Variants in ENOX1 observed in about 807,000 individuals in gnomAD.
ENOX1 encodes the protein ecto-NOX disulfide-thiol exchanger 1, also known as candidate growth-related and time keeping constitutive hydroquinone (NADH) oxidase.
In ENOX1, 42 loss-of-function variants were observed where a neutral mutation model predicts 82.5. The observed-to-expected ratio is 0.51, with a 90% CI of 0.40 to 0.66. ENOX1 has a LOEUF of 0.66. Ranked by LOEUF, ENOX1 falls within the 30% of genes least tolerant of loss-of-function variation. The probability of loss-of-function intolerance (pLI) is 0.00; values close to 1 mark genes in which losing one functional copy is unlikely to be tolerated. For missense variants in ENOX1, 608 were observed against 811.6 expected (o/e 0.75, Z 3.05); for synonymous variants, 271 against 282.2 (o/e 0.96, Z 0.40).
chr13:43,450,305 G>T (rs1044509140), intron 3 of ENOX1, among the ~76,000 whole-genome samples: 10 of 152,212 alleles, frequency 6.6e-5, no homozygotes. Flanking sequence ...GGGGGCAGCA[G>T]ATGGCAGGAA....
chr13:43,533,022 C>T (rs942730949), intron 2 of ENOX1, among the ~76,000 whole-genome samples: 4 of 152,064 alleles, frequency 2.6e-5, no homozygotes, highest in South Asian at 4.1e-4. Context: ...AAGTCTGAGA[C>T]GTGCAGTTTA....
At chr13:43,758,808 C>T (rs1323436451) in intron 1 of ENOX1, among the ~76,000 whole-genome samples, 2 of 152,154 alleles carry the variant, frequency 1.3e-5, no homozygotes, top group African/African-American at 2.4e-5. Flanking sequence ...ATGATGTTTA[C>T]AGTATTCTTA....
At chr13:43,370,368 AG>A (rs1417699261) in intron 5 of ENOX1, among the ~76,000 whole-genome samples, 1 of 151,998 alleles carries the variant, frequency 6.6e-6, no homozygotes, top group African/African-American at 2.4e-5. Context: ...CTCCATCTCA[AG>A]AAAAAAAAAA....
At chr13:43,343,881 T>A (rs564384598) in intron 9 of ENOX1, among the ~76,000 whole-genome samples, 7 of 152,234 alleles carry the variant, frequency 4.6e-5, no homozygotes, top group Admixed American at 3.9e-4. Context: ...CGCCCTTTTT[T>A]TGAATAGAGC....
chr13:43,711,618 T>A (rs1461063272), intron 1 of ENOX1, among the ~76,000 whole-genome samples: 1 of 152,036 alleles, frequency 6.6e-6, no homozygotes, highest in Non-Finnish European at 1.5e-5. Flanking sequence ...CCATTCTAAC[T>A]GGTGTGAGAT....
intron 1 of ENOX1, among the ~76,000 whole-genome samples, chr13:43,668,909 C>A (rs2085119719): frequency 6.6e-6 from 1 of 152,056 alleles, no homozygotes; most frequent in South Asian, 2.1e-4. Flanking sequence ...TACCTTATTT[C>A]AAAAAAATAT....
At chr13:43,435,383 C>G (rs2055957717) in intron 3 of ENOX1, among the ~76,000 whole-genome samples, 1 of 152,152 alleles carries the variant, frequency 6.6e-6, no homozygotes, top group Admixed American at 6.5e-5. Flanking sequence ...TCCATTCCAA[C>G]TGACAATGCC....
At chr13:43,743,348 G>C (rs1350086614) in intron 1 of ENOX1, among the ~76,000 whole-genome samples, 2 of 152,154 alleles carry the variant, frequency 1.3e-5, no homozygotes, top group Non-Finnish European at 2.9e-5. Context: ...TTACAGGATA[G>C]ATAGAAATTC....
chr13:43,247,972 G>A (rs1430270346), intron 14 of ENOX1, among the ~76,000 whole-genome samples: 61 of 132,506 alleles, frequency 4.6e-4, no homozygotes, highest in African/African-American at 1.5e-3. Flanking sequence ...TGCAAGCTCC[G>A]CCTCCCGGGT....
At chr13:43,529,731 C>T (rs2153687329) in intron 2 of ENOX1, among the ~76,000 whole-genome samples, 1 of 152,118 alleles carries the variant, frequency 6.6e-6, no homozygotes, top group East Asian at 1.9e-4. Context: ...AGAACACATC[C>T]CCTTGGTTAA....
intron 2 of ENOX1, among the ~76,000 whole-genome samples, chr13:43,490,471 G>A (rs1011004027): frequency 3.3e-5 from 5 of 152,112 alleles, no homozygotes; most frequent in Non-Finnish European, 7.4e-5. Context: ...TGGGAGAGGG[G>A]CCAGGGTAGA....
At chr13:43,340,037 T>C (rs2048964905) in intron 9 of ENOX1, among the ~76,000 whole-genome samples, 2 of 152,120 alleles carry the variant, frequency 1.3e-5, no homozygotes, top group South Asian at 4.1e-4. Context: ...AAGCAAGAAG[T>C]ACAGTTGAGA....
rs148614271 is a variant in ENOX1, at chr13:43,786,121, G to C, written c.-285+531C>G. 0.011 allele frequency among the ~76,000 whole-genome samples: 1,621 copies of C among 152,312 alleles called. 20 individuals carry two copies. The highest frequency in any genetic ancestry group is 0.032 in the African/African-American group (1,310 of 41,568). Reference sequence around the variant, plus strand: ...TAACAACAGTACCCAGCGCAGACTAGGCGGGGAGGAAAGTTTCCGGCCCGC... The same window carrying C: ...TAACAACAGTACCCAGCGCAGACTACGCGGGGAGGAAAGTTTCCGGCCCGC... On this transcript the variant is annotated intron_variant, in intron 1 of 16. Coordinates refer to ENST00000690772, the MANE Select transcript of ENOX1 (RefSeq NM_001347969.2). The surrounding 1 kb of genome is among the most constrained non-coding windows in gnomAD (Gnocchi z 6.0).
intron 2 of ENOX1, among the ~76,000 whole-genome samples, chr13:43,561,425 T>C (rs2079663121): frequency 6.6e-6 from 1 of 152,146 alleles, no homozygotes; most frequent in African/African-American, 2.4e-5. Context: ...CTCAGATTCC[T>C]AATACATATG....
intron 8 of ENOX1, among the ~76,000 whole-genome samples, chr13:43,352,521 T>C (rs2049874656): frequency 6.6e-6 from 1 of 152,194 alleles, no homozygotes; most frequent in Non-Finnish European, 1.5e-5. Flanking sequence ...TGCCACTGTT[T>C]CCAATAAAGT....
intron 1 of ENOX1, among the ~76,000 whole-genome samples, chr13:43,760,433 A>G (rs1345399008): frequency 1.3e-5 from 2 of 152,148 alleles, no homozygotes; most frequent in African/African-American, 4.8e-5. Flanking sequence ...ATGTAGAGGA[A>G]CAGAACTCCC....
intron 11 of ENOX1, among the ~76,000 whole-genome samples, chr13:43,311,678 C>T (rs1474262270): frequency 6.6e-6 from 1 of 152,124 alleles, no homozygotes; most frequent in Non-Finnish European, 1.5e-5. Context: ...GAGAAGCAAC[C>T]CTTTCAGATC....
intron 2 of ENOX1, among the ~76,000 whole-genome samples, chr13:43,485,951 C>T (rs2076398192): frequency 6.6e-6 from 1 of 152,188 alleles, no homozygotes; most frequent in Admixed American, 6.5e-5. Context: ...TGGCTCATGC[C>T]TGTAATCCCA....
intron 12 of ENOX1, among the ~76,000 whole-genome samples, chr13:43,282,584 T>G (rs1037634488): frequency 7.9e-5 from 12 of 151,754 alleles, no homozygotes; most frequent in African/African-American, 2.9e-4. Flanking sequence ...CCACCATGCC[T>G]GGCTAATTTT....
Sources: gnomAD v4.1 joint callset for allele counts (sites outside exome capture counted in the v4.1 genomes callset) on GRCh38, gnomAD v4.1.1 for gene constraint, Gnocchi (gnomAD v3.1) non-coding constraint, MANE v1.5 for transcripts, NCBI Gene and HGNC (gene_info 2026-07-23, HGNC 2026-07-21) for gene names.